The following LRMDA variants were observed in gnomAD, a reference collection of about 807,000 sequenced individuals.
The protein encoded by LRMDA is leucine rich melanocyte differentiation associated.
Under a neutral mutation model 29.8 loss-of-function variants are expected in LRMDA, and 18 were observed. That is an observed-to-expected ratio of 0.60 (90% CI 0.42 to 0.90). LRMDA has a LOEUF of 0.90. Among genes scored for constraint, LRMDA ranks in the 40% least tolerant of loss-of-function variants. The probability of loss-of-function intolerance (pLI) is 0.00; values close to 1 mark genes in which losing one functional copy is unlikely to be tolerated. For missense variants in LRMDA, 273 were observed against 273.9 expected, an observed-to-expected ratio of 1.00 and a Z score of 0.02; for synonymous variants, 125 against 109.4, an observed-to-expected ratio of 1.14 and a Z score of -0.89.
At chr10:75,661,962 G>A (rs1841758891) in intron 2 of LRMDA, among the ~76,000 whole-genome samples, 1 of 152,300 alleles carries the variant, frequency 6.6e-6, no homozygotes, top group South Asian at 2.1e-4. Flanking sequence ...GCCTGTGAAA[G>A]TAATTTTGTT....
At chr10:75,565,262 G>A (rs955001329) in intron 2 of LRMDA, among the ~76,000 whole-genome samples, 1 of 152,200 alleles carries the variant, frequency 6.6e-6, no homozygotes, top group Non-Finnish European at 1.5e-5. Flanking sequence ...AAGATTCCAT[G>A]AAAGTTCCTT....
At chr10:76,545,849 A>C (rs1196438988) in intron 6 of LRMDA, among the ~76,000 whole-genome samples, 1 of 152,108 alleles carries the variant, frequency 6.6e-6, no homozygotes, top group Non-Finnish European at 1.5e-5. Context: ...ACTTTTTAAA[A>C]AGAAATAAGG....
chr10:76,036,177 C>T (rs1220112553), intron 3 of LRMDA, 43 bp downstream of exon 3: 8 of 1,570,810 alleles, frequency 5.1e-6, no homozygotes, highest in South Asian at 1.2e-5. Flanking sequence ...CCACCCAGCC[C>T]CACAGTCGTC....
chr10:76,510,720 G>A (rs1393572641), intron 6 of LRMDA, among the ~76,000 whole-genome samples: 1 of 152,094 alleles, frequency 6.6e-6, no homozygotes, highest in Admixed American at 6.5e-5. Flanking sequence ...CCTCGTGATC[G>A]CTGTTGAGAT....
At chr10:75,476,920 T>C (rs9416060) in intron 2 of LRMDA, among the ~76,000 whole-genome samples, 26,014 of 152,036 alleles carry the variant, frequency 0.17, 2,504 homozygotes, top group African/African-American at 0.27. Flanking sequence ...GTTCTCACTG[T>C]GTCTCTATAT....
chr10:75,578,230 A>AAAAAAAAAAAAAAAAAAAAAAAAAAAAC (rs1840535204), intron 2 of LRMDA, among the ~76,000 whole-genome samples: 1 of 145,350 alleles, frequency 6.9e-6, no homozygotes. Context: ...AAAAAAAAAA[A>AAAAAAAAAAAAAAAAAAAAAAAAAAAAC]AAAAAAAAAG....
At chr10:75,846,171 G>GTGTT (rs1217648955) in intron 2 of LRMDA, among the ~76,000 whole-genome samples, 7 of 118,040 alleles carry the variant, frequency 5.9e-5, no homozygotes, top group Non-Finnish European at 8.6e-5. Context: ...TTATTTGTGT[G>GTGTT]TGTGTTTGTG....
At chr10:75,672,949 A>G (rs945828071) in intron 2 of LRMDA, among the ~76,000 whole-genome samples, 11 of 143,392 alleles carry the variant, frequency 7.7e-5, no homozygotes, top group African/African-American at 3.0e-4. Flanking sequence ...GTGATAATCC[A>G]AACTGTTTGC....
chr10:76,173,826 A>T (rs1350130505), intron 5 of LRMDA, among the ~76,000 whole-genome samples: 1 of 152,070 alleles, frequency 6.6e-6, no homozygotes, highest in Non-Finnish European at 1.5e-5. Flanking sequence ...ACACTTGGCT[A>T]ACTTTTTGGA....
At chr10:76,313,156 G>A (rs780255733) in intron 5 of LRMDA, among the ~76,000 whole-genome samples, 7 of 152,154 alleles carry the variant, frequency 4.6e-5, no homozygotes, top group Non-Finnish European at 1.0e-4. Flanking sequence ...TTAAGTGAGA[G>A]CTTTGTCAGG....
chr10:76,502,021 G>T (rs1298860710), intron 6 of LRMDA, among the ~76,000 whole-genome samples: 2 of 151,858 alleles, frequency 1.3e-5, no homozygotes, highest in Non-Finnish European at 2.9e-5. Context: ...AATCCATTTT[G>T]AGTTAATTTT....
intron 2 of LRMDA, among the ~76,000 whole-genome samples, chr10:75,577,781 C>G (rs1278848086): frequency 6.6e-6 from 1 of 152,086 alleles, no homozygotes; most frequent in Non-Finnish European, 1.5e-5. Context: ...TCATATCCAG[C>G]TAAACTAAGC....
intron 5 of LRMDA, among the ~76,000 whole-genome samples, chr10:76,259,807 G>A (rs552482654): frequency 6.6e-6 from 1 of 151,938 alleles, no homozygotes; most frequent in South Asian, 2.1e-4. Flanking sequence ...TTGCTTAATT[G>A]ATCCCTTTGT....
chr10:75,660,583 C>T (rs1038166695), intron 2 of LRMDA, among the ~76,000 whole-genome samples: 5 of 151,982 alleles, frequency 3.3e-5, no homozygotes, highest in African/African-American at 7.3e-5. Flanking sequence ...TGAAAGGCAG[C>T]GAGAAACAAA....
At chr10:75,755,628 G>A (rs1843022452) in intron 2 of LRMDA, among the ~76,000 whole-genome samples, 1 of 152,226 alleles carries the variant, frequency 6.6e-6, no homozygotes, top group African/African-American at 2.4e-5. Context: ...TGAGATCTGA[G>A]TGACAAGAAG....
At chr10:75,664,424 T>C (rs1215374860) in intron 2 of LRMDA, among the ~76,000 whole-genome samples, 1 of 152,224 alleles carries the variant, frequency 6.6e-6, no homozygotes, top group Non-Finnish European at 1.5e-5. Flanking sequence ...GTGCCAGGGA[T>C]ACAAAGTTGG....
At chr10:76,203,911 T>A (rs2132235969) in intron 5 of LRMDA, among the ~76,000 whole-genome samples, 1 of 149,660 alleles carries the variant, frequency 6.7e-6, no homozygotes, top group South Asian at 2.2e-4. Flanking sequence ...CATCTCTCCA[T>A]GTGCCCGTCC....
intron 6 of LRMDA, among the ~76,000 whole-genome samples, chr10:76,447,173 T>C (rs1842362336): frequency 6.6e-6 from 1 of 152,160 alleles, no homozygotes; most frequent in Admixed American, 6.5e-5. Flanking sequence ...ATTTCATTTA[T>C]AGAGTTTGGA....
At chr10:76,545,293 T>C (rs1298749869) in intron 6 of LRMDA, among the ~76,000 whole-genome samples, 1 of 151,956 alleles carries the variant, frequency 6.6e-6, no homozygotes, top group Non-Finnish European at 1.5e-5. Context: ...GAACTGTGGA[T>C]GTTCCCTGCT....
Sources: gnomAD v4.1 joint callset for allele counts (sites outside exome capture counted in the v4.1 genomes callset) on GRCh38, gnomAD v4.1.1 for gene constraint, MANE v1.5 for transcripts, NCBI Gene and HGNC (gene_info 2026-07-23, HGNC 2026-07-21) for gene names.